ACOT7: variants seen among roughly 807,000 people sequenced by gnomAD.
The protein encoded by ACOT7 is cytosolic acyl coenzyme A thioester hydrolase.
A neutral mutation model predicts 40.2 loss-of-function variants in ACOT7; 12 were observed. The ratio of observed to expected loss-of-function variants is 0.30; its 90% CI spans 0.19 to 0.48. The LOEUF (loss-of-function observed/expected upper bound fraction) is 0.48, where lower values mean the gene tolerates loss of function less well. Among genes scored for constraint, ACOT7 ranks in the 20% least tolerant of loss-of-function variants. The pLI, the probability that ACOT7 is intolerant of heterozygous loss-of-function variation, is 0.99. For synonymous variants in ACOT7, 228 were observed against 219.5 expected, an observed-to-expected ratio of 1.04 and a Z score of -0.34; for missense variants, 395 against 530.8, an observed-to-expected ratio of 0.74 and a Z score of 2.51.
rs1014954495 is a variant in ACOT7, at chr1:6,357,381, G to C, written c.144-7515C>G. Among the ~76,000 whole-genome samples the C allele has an allele frequency of 3.9e-5, 6 of 152,362 alleles. 1 individual carries two copies. The highest frequency in any genetic ancestry group is 3.3e-4 in the Admixed American group (5 of 15,308). ...GGTGCACAGCCAGGTAAGGGTCTGG[G>C]GTATAGGCAGGTCAGGCCCACACGG... On this transcript the variant is annotated intron_variant, in intron 1 of 8. Coordinates refer to ENST00000361521, the MANE Select transcript of ACOT7 (RefSeq NM_007274.4).
intron 1 of ACOT7, among the ~76,000 whole-genome samples, chr1:6,371,421 G>C (rs373322198): frequency 3.3e-5 from 5 of 151,054 alleles, no homozygotes; most frequent in African/African-American, 1.2e-4. Flanking sequence ...TGCTGTGGCA[G>C]GTGCAATCTT....
At chr1:6,303,894 C>T (rs1640040822) in intron 6 of ACOT7, among the ~76,000 whole-genome samples, 1 of 152,152 alleles carries the variant, frequency 6.6e-6, no homozygotes. Flanking sequence ...TCCTTACATT[C>T]TATAGAGTCT....
At chr1:6,373,092 G>T (rs1233533039) in intron 1 of ACOT7, among the ~76,000 whole-genome samples, 1 of 152,082 alleles carries the variant, frequency 6.6e-6, no homozygotes, top group African/African-American at 2.4e-5. Context: ...AATTACACTA[G>T]TAACACCAAA....
At chr1:6,298,004 A>T (rs1162724632) in intron 6 of ACOT7, among the ~76,000 whole-genome samples, 1 of 152,158 alleles carries the variant, frequency 6.6e-6, no homozygotes, top group Non-Finnish European at 1.5e-5. Context: ...CTATAAGAAG[A>T]TGCTGCTAAA....
intron 1 of ACOT7, among the ~76,000 whole-genome samples, chr1:6,368,084 T>C (rs1007962605): frequency 2.6e-5 from 4 of 152,102 alleles, no homozygotes; most frequent in Non-Finnish European, 4.4e-5. Flanking sequence ...GACTGGTCCA[T>C]GGGTGGGCCA....
intron 2 of ACOT7, among the ~76,000 whole-genome samples, chr1:6,344,717 C>A (rs1298388319): frequency 7.0e-6 from 1 of 143,530 alleles, no homozygotes; most frequent in Admixed American, 7.1e-5. Flanking sequence ...TGAGCTGAGA[C>A]CGCACCATTG....
chr1:6,300,561 G>C (rs1009609234), intron 6 of ACOT7, among the ~76,000 whole-genome samples: 9 of 138,310 alleles, frequency 6.5e-5, no homozygotes, highest in African/African-American at 2.0e-4. Context: ...GACCCCACCC[G>C]ATCCTGATGC....
intron 1 of ACOT7, among the ~76,000 whole-genome samples, chr1:6,356,918 CAA>C (rs139388424): frequency 2.7e-4 from 30 of 112,520 alleles, no homozygotes; most frequent in Middle Eastern, 5.5e-3. Flanking sequence ...GACTGTGTCT[CAA>C]AAAAAAAAAA....
chr1:6,284,257 G>A (rs1639436035), intron 7 of ACOT7, among the ~76,000 whole-genome samples: 1 of 152,124 alleles, frequency 6.6e-6, no homozygotes, highest in South Asian at 2.1e-4. Context: ...CCAGGGCTCT[G>A]TTCCTGCTCT....
intron 8 of ACOT7, among the ~76,000 whole-genome samples, chr1:6,272,911 C>T (rs1639077778): frequency 6.6e-6 from 1 of 152,236 alleles, no homozygotes; most frequent in Admixed American, 6.5e-5. Context: ...GGTACAGCCC[C>T]CCTCCTGGCA....
chr1:6,341,830 A>G (rs1289653694), intron 2 of ACOT7, among the ~76,000 whole-genome samples: 3 of 152,216 alleles, frequency 2.0e-5, no homozygotes, highest in Admixed American at 6.5e-5. Flanking sequence ...AAAAAAGCCT[A>G]TGGTGCTGGG....
At chr1:6,376,212 C>T (rs181214305) in intron 1 of ACOT7, among the ~76,000 whole-genome samples, 94 of 151,658 alleles carry the variant, frequency 6.2e-4, no homozygotes, top group African/African-American at 1.9e-3. Context: ...GCTGAGATGG[C>T]GCCAGTGCAC....
chr1:6,370,956 G>A (rs956648428), intron 1 of ACOT7, among the ~76,000 whole-genome samples: 24 of 151,364 alleles, frequency 1.6e-4, no homozygotes, highest in Non-Finnish European at 2.7e-4. Context: ...GATTATAGGC[G>A]CCTGCCACTG....
chr1:6,279,263 G>A (rs773886595), intron 8 of ACOT7, among the ~76,000 whole-genome samples: 2 of 152,204 alleles, frequency 1.3e-5, no homozygotes, highest in Non-Finnish European at 2.9e-5. Flanking sequence ...CCCAGGCGAC[G>A]TGGAGGGAGG....
intron 1 of ACOT7, among the ~76,000 whole-genome samples, chr1:6,386,145 T>C (rs1571358448): frequency 6.6e-6 from 1 of 152,178 alleles, no homozygotes; most frequent in African/African-American, 2.4e-5. Context: ...GCTGGAAGGC[T>C]GCGGGGAAGC....
At position 6,338,274 on chromosome 1, in the gene ACOT7, G is replaced by A. The variant is rs1553159936; in HGVS notation, c.418+1159C>T. On this transcript the variant is annotated intron_variant, in intron 3 of 8. Transcript: ENST00000361521. This position sits in a 1 kb window ranked among gnomAD's most constrained non-coding sequence, Gnocchi z 4.4. ...CTCCACCCCCAGCACAGTCGGAGAA[G>A]AGCTGCGATCTCACAGGAGATGGCA... Among the ~76,000 whole-genome samples, 1 of 152,216 alleles carries A rather than the reference G, an allele frequency of 6.6e-6. No individual in the cohort carries two copies. The highest frequency in any genetic ancestry group is 1.5e-5 in the Non-Finnish European group (1 of 68,028).
At chr1:6,329,875 T>C (rs2148433941) in intron 4 of ACOT7, among the ~76,000 whole-genome samples, 1 of 152,196 alleles carries the variant, frequency 6.6e-6, no homozygotes, top group Middle Eastern at 3.4e-3. Flanking sequence ...GCTGCCCCTC[T>C]GGTCATCCTG....
chr1:6,317,735 T>C (rs1215049002), intron 6 of ACOT7, among the ~76,000 whole-genome samples: 1 of 151,354 alleles, frequency 6.6e-6, no homozygotes, highest in African/African-American at 2.4e-5. Flanking sequence ...TTTCTTTTTT[T>C]TTTTTTTTTT....
chr1:6,360,834 C>T (rs1264184121), intron 1 of ACOT7: 2 of 1,281,938 alleles, frequency 1.6e-6, no homozygotes, highest in Non-Finnish European at 2.1e-6. Flanking sequence ...GCCCACCACC[C>T]ACCCCAAATC....
Sources: gnomAD v4.1 joint callset for allele counts (sites outside exome capture counted in the v4.1 genomes callset) on GRCh38, gnomAD v4.1.1 for gene constraint, Gnocchi (gnomAD v3.1) non-coding constraint, MANE v1.5 for transcripts, NCBI Gene and HGNC (gene_info 2026-07-23, HGNC 2026-07-21) for gene names.